Variants in RPS6KA5 observed in about 807,000 individuals in gnomAD.
The protein encoded by RPS6KA5 is ribosomal protein S6 kinase A5.
Under a neutral mutation model 85.5 loss-of-function variants are expected in RPS6KA5, and 27 were observed. That is an observed-to-expected ratio of 0.32 (90% CI 0.23 to 0.44). RPS6KA5 has a LOEUF of 0.44. Among genes scored for constraint, RPS6KA5 ranks in the 20% least tolerant of loss-of-function variants. The pLI is 1.00. For synonymous variants in RPS6KA5, 334 were observed against 348.2 expected (o/e 0.96, Z 0.46); for missense variants, 811 against 980.9 (o/e 0.83, Z 2.31).
At chr14:90,878,503 C>G (rs938212347) in intron 14 of RPS6KA5, among the ~76,000 whole-genome samples, 1 of 152,130 alleles carries the variant, frequency 6.6e-6, no homozygotes, top group Non-Finnish European at 1.5e-5. Flanking sequence ...GCAAGTTTAC[C>G]TCCCCAAACA....
intron 14 of RPS6KA5, among the ~76,000 whole-genome samples, chr14:90,885,592 A>AAAAAAAAAACAAATT (rs1348766824): frequency 8.7e-6 from 1 of 114,938 alleles, no homozygotes; most frequent in Non-Finnish European, 1.8e-5. Context: ...AAAAAAAAAA[A>AAAAAAAAAACAAATT]TTAGACGGGC....
chr14:90,950,003 ACT>A (rs2038088579), intron 3 of RPS6KA5, among the ~76,000 whole-genome samples: 2 of 152,132 alleles, frequency 1.3e-5, no homozygotes, highest in African/African-American at 4.8e-5. Context: ...TGTACAGCAA[ACT>A]CTATGAACTT....
In RPS6KA5 at chr14:90,858,264, C is replaced by G. The variant is rs1001687153; in HGVS notation, c.*13810G>C. 6.6e-6 allele frequency: 1 copy of G among 151,926 alleles called. No homozygotes were observed. Among genetic ancestry groups the G allele is most frequent in the Non-Finnish European group, 1.5e-5 (1 of 67,990 alleles). The allele number at this position is 151,926 out of a possible 1,614,324, so 9.4% of individuals were successfully genotyped here. The stretch of plus-strand genomic sequence containing the variant: ...ATAAAAACTGTTCTTGATGTTATTT[C>G]TAAACAGATCTAGTATCAGAAGCAT... On this transcript the variant is annotated 3_prime_UTR_variant, in exon 17 of 17. Transcript: ENST00000614987.
intron 2 of RPS6KA5, among the ~76,000 whole-genome samples, chr14:90,995,736 G>T (rs1342204029): frequency 6.6e-6 from 1 of 152,034 alleles, no homozygotes; most frequent in African/African-American, 2.4e-5. Context: ...CAACTGCATA[G>T]ATACCTGGCA....
intron 7 of RPS6KA5, among the ~76,000 whole-genome samples, chr14:90,907,572 T>C (rs2035581141): frequency 6.6e-6 from 1 of 152,208 alleles, no homozygotes; most frequent in South Asian, 2.1e-4. Flanking sequence ...AAATAGCCAC[T>C]GAGAATCAGT....
At chr14:90,873,334 T>A (rs1272925235) in intron 16 of RPS6KA5, among the ~76,000 whole-genome samples, 1 of 152,214 alleles carries the variant, frequency 6.6e-6, no homozygotes, top group African/African-American at 2.4e-5. Flanking sequence ...ATTATGGTTT[T>A]TAAAGAAATT....
chr14:90,920,179 C>A, intron 7 of RPS6KA5, 27 bp downstream of exon 7: 1 of 1,313,434 alleles, frequency 7.6e-7, no homozygotes, highest in Non-Finnish European at 1.1e-6. Flanking sequence ...GAAAACAATG[C>A]ATTTATTTTA....
At chr14:90,930,012 A>T (rs1480719595) in intron 5 of RPS6KA5, among the ~76,000 whole-genome samples, 2 of 152,194 alleles carry the variant, frequency 1.3e-5, no homozygotes, top group Non-Finnish European at 2.9e-5. Flanking sequence ...CTGGGACTAA[A>T]GGCATGCACC....
chr14:90,987,003 T>C (rs1455371784), intron 2 of RPS6KA5, among the ~76,000 whole-genome samples: 2 of 152,192 alleles, frequency 1.3e-5, no homozygotes, highest in Non-Finnish European at 2.9e-5. Flanking sequence ...ATAGTATCAA[T>C]AATAAATAAA....
chr14:90,995,263 G>A (rs1244787470), intron 2 of RPS6KA5, among the ~76,000 whole-genome samples: 1 of 152,166 alleles, frequency 6.6e-6, no homozygotes, highest in Non-Finnish European at 1.5e-5. Flanking sequence ...GTGATTACAA[G>A]CACGAGCCAC....
At chr14:90,982,336 C>T (rs2039829719) in intron 2 of RPS6KA5, among the ~76,000 whole-genome samples, 2 of 151,824 alleles carry the variant, frequency 1.3e-5, no homozygotes. Context: ...GTGGCTCATG[C>T]CTGTAATGCC....
chr14:90,881,831 A>G (rs1429935542), intron 14 of RPS6KA5, among the ~76,000 whole-genome samples: 2 of 152,162 alleles, frequency 1.3e-5, no homozygotes, highest in Admixed American at 6.5e-5. Flanking sequence ...TTTGCATGGA[A>G]TATCTTTTCC....
In RPS6KA5 at chr14:90,852,328, T is replaced by G. The variant is rs2032042887; in HGVS notation, c.*19746A>C. 6.6e-6 allele frequency: 1 copy of G among 152,106 alleles called. No individual in the cohort carries two copies. The highest frequency in any genetic ancestry group is 2.4e-5 in the African/African-American group (1 of 41,430). The allele number at this position is 152,106 out of a possible 1,614,324, so 9.4% of individuals were successfully genotyped here. A position where few individuals can be genotyped will look rare whatever the true frequency, so the allele number is the denominator to read the frequency against. ...CCAGGATGGTCTCGACCTCGTGATC[T>G]GCCCGCCTCGGCCTCCCAACACTTT... On this transcript the variant is annotated 3_prime_UTR_variant, in exon 17 of 17. Coordinates refer to ENST00000614987, the MANE Select transcript of RPS6KA5 (RefSeq NM_004755.4).
At chr14:90,954,131 C>T (rs748437686) in intron 3 of RPS6KA5, among the ~76,000 whole-genome samples, 4 of 152,204 alleles carry the variant, frequency 2.6e-5, no homozygotes. Flanking sequence ...TCTCTTTGTT[C>T]TCTTTCTCTT....
At chr14:91,059,914 G>C in intron 1 of RPS6KA5, 1 of 521,034 alleles carries the variant, frequency 1.9e-6, no homozygotes, top group African/African-American at 2.1e-5. Context: ...GCGGGGACCA[G>C]AGGGGCGGAG....
rs116524803 is a variant in RPS6KA5 at position 90,999,189 on chromosome 14, C to T, written c.175+1899G>A. 4.7e-3 allele frequency among the ~76,000 whole-genome samples: 715 copies of T among 152,136 alleles called. 8 individuals are homozygous for T. The highest frequency in any genetic ancestry group is 0.016 in the African/African-American group (675 of 41,494). On this transcript the variant is annotated intron_variant, in intron 2 of 16. Transcript: ENST00000614987. ...AGTCACTACACTCCAGCCTGGGCGACACAGCTAGGCTTCATCTCAAAAAAA... is the reference window on the plus strand; with the variant it reads ...AGTCACTACACTCCAGCCTGGGCGATACAGCTAGGCTTCATCTCAAAAAAA...
intron 6 of RPS6KA5, among the ~76,000 whole-genome samples, chr14:90,922,125 T>G (rs1194346327): frequency 6.6e-6 from 1 of 152,210 alleles, no homozygotes; most frequent in African/African-American, 2.4e-5. Context: ...AAAATATTTA[T>G]TTCTGTTGGG....
chr14:90,976,204 A>C lies in RPS6KA5; in HGVS notation c.394+2102T>G, dbSNP rs560362672. On this transcript the variant is annotated intron_variant, in intron 3 of 16. Transcript: ENST00000614987. ...TATTGAGTATAGTTAAGAGAACAGA[A>C]AAAAAAAAAAAAAAAAAAGAGAGGA... Among the ~76,000 whole-genome samples, 3 of 21,872 alleles carry C rather than the reference A, an allele frequency of 1.4e-4. No individual in the cohort carries two copies. In the South Asian group the frequency reaches 3.1e-3, roughly 23 times the overall value. The allele number at this position is 21,872 out of a possible 152,430, so 14.3% of individuals were successfully genotyped here.
chr14:90,920,975 G>T (rs552283353), intron 6 of RPS6KA5, among the ~76,000 whole-genome samples: 5 of 151,984 alleles, frequency 3.3e-5, no homozygotes, highest in South Asian at 4.1e-4. Context: ...CAAGCAATCT[G>T]CCCACCTCAG....
Sources: allele counts gnomAD v4.1 joint callset (sites outside exome capture counted in the v4.1 genomes callset), GRCh38; gene constraint gnomAD v4.1.1; transcripts MANE v1.5; gene names NCBI Gene and HGNC (gene_info 2026-07-23, HGNC 2026-07-21).